The following SERPINB10 variants were observed in gnomAD, a reference collection of about 807,000 sequenced individuals.
SERPINB10 encodes serpin B10.
SERPINB10 carries 35 observed loss-of-function variants against 39.1 expected under a neutral mutation model. The observed-to-expected ratio is 0.90, with a 90% CI of 0.68 to 1.19. The LOEUF (loss-of-function observed/expected upper bound fraction) is 1.19, where lower values mean the gene tolerates loss of function less well. Among genes scored for constraint, SERPINB10 ranks in the 50% most tolerant of loss-of-function variants. The pLI is 0.00. For synonymous variants in SERPINB10, 190 were observed against 158.1 expected, an observed-to-expected ratio of 1.20 and a Z score of -1.52; for missense variants, 546 against 460.5, an observed-to-expected ratio of 1.19 and a Z score of -1.70.
At chr18:63,927,723 C>G (rs535940139) in intron 5 of SERPINB10, among the ~76,000 whole-genome samples, 1 of 152,064 alleles carries the variant, frequency 6.6e-6, no homozygotes, top group Non-Finnish European at 1.5e-5. Flanking sequence ...ATCAGCAACA[C>G]GCTACATTAA....
chr18:63,926,347 C>A (rs759374455), intron 5 of SERPINB10, among the ~76,000 whole-genome samples: 1 of 151,966 alleles, frequency 6.6e-6, no homozygotes. Context: ...CAAATTCCCC[C>A]CTCCTTACAG....
Position 63,935,274 on chromosome 18 carries a change from C to T in SERPINB10, c.*32C>T. The T allele has an allele frequency of 1.3e-6, 2 of 1,510,506 alleles. No individual in the cohort carries two copies. The highest frequency in any genetic ancestry group is 8.8e-7 in the Non-Finnish European group (1 of 1,136,194). 93.6% of individuals were successfully genotyped at this position (1,510,506 alleles called of 1,614,324 possible). On this transcript the variant is annotated 3_prime_UTR_variant, in exon 8 of 8. Coordinates refer to ENST00000238508, the MANE Select transcript of SERPINB10 (RefSeq NM_005024.3). ...CATATCTCTCAACAAACAAGACCAT[C>T]TTACAGTGTGAAAAATGTACCATGA...
intron 1 of SERPINB10, among the ~76,000 whole-genome samples, chr18:63,909,909 T>C (rs1436718827): frequency 6.6e-6 from 1 of 152,052 alleles, no homozygotes; most frequent in Non-Finnish European, 1.5e-5. Flanking sequence ...TATGAGAGTG[T>C]AGAATTACTA....
At chr18:63,922,672 C>T (rs1474507961) in intron 5 of SERPINB10, among the ~76,000 whole-genome samples, 2 of 151,852 alleles carry the variant, frequency 1.3e-5, no homozygotes, top group African/African-American at 4.8e-5. Flanking sequence ...GCCTTGCTTC[C>T]CCAGCTTAGA....
chr18:63,913,692 TG>T lies in SERPINB10; in HGVS notation c.-9-1809del, dbSNP rs141603763. On this transcript the variant is annotated intron_variant, in intron 1 of 7. Transcript: ENST00000238508. ...TTGAGACTTGCTTTATGGCTGAGCATGTAATCAATCTTGGAGTATATTCCGC... is the reference window on the plus strand; with the variant it reads ...TTGAGACTTGCTTTATGGCTGAGCATTAATCAATCTTGGAGTATATTCCGC... Among the ~76,000 whole-genome samples the T allele has an allele frequency of 6.4e-3, 979 of 152,246 alleles. 14 individuals carry two copies. The highest frequency in any genetic ancestry group is 0.022 in the African/African-American group (913 of 41,562).
chr18:63,934,873 G>A lies in SERPINB10; in HGVS notation c.825G>A (p.Glu275=). 2.5e-6 allele frequency: 4 copies of A among 1,612,354 alleles called. No individual in the cohort carries two copies. The highest frequency in any genetic ancestry group is 3.4e-6 in the Non-Finnish European group (4 of 1,179,392). The change falls in exon 8 of 8, where the codon GAG becomes GAA. Residue 275 remains glutamate, a synonymous_variant. Transcript: ENST00000238508. The part of the protein sequence containing the change: ...EKAITYEKLN[E]WTSADMMELY... ...CCATCACCTATGAGAAGCTGAATGA[G>A]TGGACCAGTGCAGACATGATGGAGT...
At chr18:63,926,962 T>C (rs2144733832) in intron 5 of SERPINB10, among the ~76,000 whole-genome samples, 1 of 152,194 alleles carries the variant, frequency 6.6e-6, no homozygotes, top group South Asian at 2.1e-4. Context: ...AAGAAGATAA[T>C]TTTTAGCGTA....
chr18:63,910,006 A>G lies in SERPINB10; in HGVS notation c.-10+1966A>G, dbSNP rs564723738. Reference sequence around the variant, plus strand: ...AGCTTTTGGAGTAGACAGGAGCCACACCTAGGGCATGATTTAGAGGTGGGG... The same window carrying G: ...AGCTTTTGGAGTAGACAGGAGCCACGCCTAGGGCATGATTTAGAGGTGGGG... On this transcript the variant is annotated intron_variant, in intron 1 of 7. Transcript: ENST00000238508. Among the ~76,000 whole-genome samples the G allele has an allele frequency of 3.5e-4, 54 of 152,114 alleles. 1 individual carries two copies. Among genetic ancestry groups the G allele is most frequent in the Non-Finnish European group, 6.8e-4 (46 of 67,936 alleles).
intron 7 of SERPINB10, among the ~76,000 whole-genome samples, chr18:63,934,291 A>G (rs1599096152): frequency 6.6e-6 from 1 of 152,212 alleles, no homozygotes; most frequent in African/African-American, 2.4e-5. Context: ...GAAGAGGGAA[A>G]GCATCCTTAA....
chr18:63,932,596 G>A (rs1475313322), intron 6 of SERPINB10, among the ~76,000 whole-genome samples: 6 of 151,908 alleles, frequency 3.9e-5, no homozygotes, highest in African/African-American at 1.5e-4. Flanking sequence ...ATTATTTGTT[G>A]AGTTTTTATT....
chr18:63,913,447 C>CGAAG (rs2050079372), intron 1 of SERPINB10, among the ~76,000 whole-genome samples: 1 of 151,972 alleles, frequency 6.6e-6, no homozygotes, highest in Non-Finnish European at 1.5e-5. Flanking sequence ...CTGCTTTTCG[C>CGAAG]TGCATCTTAG....
intron 4 of SERPINB10, among the ~76,000 whole-genome samples, chr18:63,919,556 C>T (rs1052739538): frequency 6.6e-5 from 10 of 151,878 alleles, no homozygotes; most frequent in Non-Finnish European, 1.2e-4. Flanking sequence ...TGTGGGCATC[C>T]GTACTTCCTT....
chr18:63,927,914 G>T (rs1317928881), intron 5 of SERPINB10, among the ~76,000 whole-genome samples: 2 of 151,914 alleles, frequency 1.3e-5, no homozygotes, highest in African/African-American at 4.8e-5. Flanking sequence ...AGTAATCAGA[G>T]AATTTTCTAT....
chr18:63,924,202 A>G (rs1187516313), intron 5 of SERPINB10, among the ~76,000 whole-genome samples: 3 of 151,978 alleles, frequency 2.0e-5, no homozygotes, highest in African/African-American at 7.2e-5. Flanking sequence ...TATAATACAG[A>G]TCACAATAAC....
At position 63,935,094 on chromosome 18, in the gene SERPINB10, C is replaced by G; in HGVS notation, c.1046C>G (p.Thr349Ser). The G allele has an allele frequency of 6.2e-7, 1 of 1,614,092 alleles. No individual in the cohort carries two copies. Among genetic ancestry groups the G allele is most frequent in the Non-Finnish European group, 8.5e-7 (1 of 1,180,020 alleles). Residue 349 changes from threonine (T) to serine (S), a missense_variant, in exon 8 of 8, where the codon ACT (threonine) becomes AGT (serine). Thr to Ser is a moderately conservative substitution (Grantham distance 58). Coordinates refer to ENST00000238508, the MANE Select transcript of SERPINB10 (RefSeq NM_005024.3). ...KAFVEINEQG[T>S]EAAAGSGSEI... ...TTTGTGGAAATAAATGAACAAGGTA[C>G]TGAAGCTGCAGCTGGCAGTGGGAGT...
Position 63,919,778 on chromosome 18 carries a change from T to C in SERPINB10, c.373-10T>C. Reference sequence around the variant, plus strand: ...CTCTACAAAAGGGGATTTTTATCTATGTCTTTCAGAAATATTTAGAAGACA... The same window carrying C: ...CTCTACAAAAGGGGATTTTTATCTACGTCTTTCAGAAATATTTAGAAGACA... On this transcript the variant is annotated splice_polypyrimidine_tract_variant and intron_variant, in intron 4 of 7. Transcript: ENST00000238508. 1 of 1,539,116 alleles carries C rather than the reference T, an allele frequency of 6.5e-7. No homozygotes were observed. The highest frequency in any genetic ancestry group is 8.9e-7 in the Non-Finnish European group (1 of 1,127,352).
At chr18:63,919,755 C>A (rs1222433654) in intron 4 of SERPINB10, 33 bp from the exon 5 acceptor site, 1 of 1,443,084 alleles carries the variant, frequency 6.9e-7, no homozygotes, top group South Asian at 1.2e-5. Flanking sequence ...TGAACAAACT[C>A]TACAAAAGGG....
Position 63,935,141 on chromosome 18 carries a change from G to C in SERPINB10, c.1093G>C (p.Val365Leu). Reference sequence around the variant, plus strand: ...GAGTGAGATAGATATACGAATTAGAGTCCCATCCATTGAATTCAATGCAAA... The same window carrying C: ...GAGTGAGATAGATATACGAATTAGACTCCCATCCATTGAATTCAATGCAAA... Reference protein sequence around the residue: ...SGSEIDIRIRVPSIEFNANHP... With the variant: ...SGSEIDIRIRLPSIEFNANHP... Residue 365 changes from valine to leucine, a missense_variant, in exon 8 of 8, where the codon GTC becomes CTC. Coordinates refer to ENST00000238508, the MANE Select transcript of SERPINB10 (RefSeq NM_005024.3). The C allele has an allele frequency of 6.2e-7, 1 of 1,613,576 alleles. No homozygotes were observed. The highest frequency in any genetic ancestry group is 1.7e-5 in the Admixed American group (1 of 60,024).
At chr18:63,926,165 C>A (rs946197950) in intron 5 of SERPINB10, among the ~76,000 whole-genome samples, 23 of 152,066 alleles carry the variant, frequency 1.5e-4, no homozygotes, top group African/African-American at 5.6e-4. Flanking sequence ...AAGAAACTTG[C>A]ATGAGCTTCT....
Sources: gnomAD v4.1 joint callset for allele counts (sites outside exome capture counted in the v4.1 genomes callset) on GRCh38, gnomAD v4.1.1 for gene constraint, MANE v1.5 for transcripts, NCBI Gene and HGNC (gene_info 2026-07-23, HGNC 2026-07-21) for gene names.